The following MYLK variants were observed in gnomAD, a reference collection of about 807,000 sequenced individuals.
MYLK encodes the protein myosin light chain kinase, smooth muscle.
Under a neutral mutation model 203.4 loss-of-function variants are expected in MYLK, and 106 were observed. The observed-to-expected ratio is 0.52, with a 90% confidence interval of 0.45 to 0.61. The LOEUF is 0.61. MYLK is among the 20% of genes least tolerant of loss of function. The pLI is 0.00. For synonymous variants in MYLK, 867 were observed against 959.5 expected (o/e 0.90, Z 1.78); for missense variants, 2,072 against 2,442.3 (o/e 0.85, Z 3.20).
rs115880887 is a variant in MYLK, at chr3:123,798,280, C to T, written c.-3-4436G>A. On this transcript the variant is annotated intron_variant, in intron 3 of 33. Coordinates refer to ENST00000360304, the MANE Select transcript of MYLK (RefSeq NM_053025.4). ...ACAAAGTCAAAATCTGCTGGCTTCT[C>T]GGAGGCCCCCACATCTCAAATGAGG... Among the ~76,000 whole-genome samples, 967 of 152,190 alleles carry T rather than the reference C, an allele frequency of 6.4e-3. 12 individuals are homozygous for T. Among genetic ancestry groups the T allele is most frequent in the Non-Finnish European group, 7.2e-3 (488 of 68,008 alleles).
intron 20 of MYLK, among the ~76,000 whole-genome samples, chr3:123,668,076 C>A (rs1280116630): frequency 6.6e-6 from 1 of 152,198 alleles, no homozygotes; most frequent in Non-Finnish European, 1.5e-5. Context: ...AGTCATGCAG[C>A]ACAAACCTAT....
intron 11 of MYLK, among the ~76,000 whole-genome samples, chr3:123,727,898 G>A (rs751404225): frequency 2.0e-5 from 3 of 152,142 alleles, no homozygotes; most frequent in Non-Finnish European, 4.4e-5. Context: ...AAACAGACAG[G>A]TATTCTGTAG....
intron 24 of MYLK, among the ~76,000 whole-genome samples, chr3:123,652,520 C>T (rs2059249317): frequency 6.6e-6 from 1 of 152,148 alleles, no homozygotes; most frequent in Non-Finnish European, 1.5e-5. Flanking sequence ...TGTTGCACAC[C>T]CAGAGAACAC....
At chr3:123,880,379 G>C (rs750536340) in intron 1 of MYLK, among the ~76,000 whole-genome samples, 147 of 152,278 alleles carry the variant, frequency 9.7e-4, no homozygotes, top group Non-Finnish European at 1.4e-3. Context: ...CCAAGTTGCA[G>C]GTGTTCGGTT....
At chr3:123,813,514 CTCTTT>C (rs905121904) in intron 3 of MYLK, among the ~76,000 whole-genome samples, 6 of 150,822 alleles carry the variant, frequency 4.0e-5, no homozygotes, top group South Asian at 2.1e-4. Context: ...GTCTCTCTCT[CTCTTT>C]TTTTTTTTTG....
At chr3:123,814,091 AT>A in intron 3 of MYLK, 1 of 278,616 alleles carries the variant, frequency 3.6e-6, no homozygotes, top group South Asian at 3.9e-5. Flanking sequence ...GCTGTGTCAA[AT>A]TTGGTGCCTG....
At position 123,612,167 on chromosome 3, in the gene MYLK, C is replaced by G. The variant is rs190379193; in HGVS notation, c.*1938G>C. 2.0e-5 allele frequency: 3 copies of G among 152,778 alleles called. No homozygotes were observed. The highest frequency in any genetic ancestry group is 3.9e-4 in the East Asian group (2 of 5,190). The allele number at this position is 152,778 out of a possible 1,614,324, so 9.5% of individuals were successfully genotyped here. The stretch of plus-strand genomic sequence containing the variant: ...CAAGAACTTCCTAAATCATTCTGTT[C>G]CATAGCAAAACACAACCACATAAGC... On this transcript the variant is annotated 3_prime_UTR_variant, in exon 34 of 34. Coordinates refer to ENST00000360304, the MANE Select transcript of MYLK (RefSeq NM_053025.4).
rs56162191 is a variant in MYLK at position 123,629,358 on chromosome 3, G to A, written c.5114+116C>T. On this transcript the variant is annotated intron_variant, in intron 30 of 33. Transcript: ENST00000360304. The surrounding 1 kb of genome is among the most constrained non-coding windows in gnomAD (Gnocchi z 4.4). ...CCCTCCCTTCCTCAGGGAATGCTAG[G>A]AACGACCCAAGGCGGGGTGGCAAGG... 2.3e-6 allele frequency: 3 copies of A among 1,311,532 alleles called. No homozygotes were observed. Among genetic ancestry groups the A allele is most frequent in the African/African-American group, 2.9e-5 (2 of 68,922 alleles). 81.2% of individuals were successfully genotyped at this position (1,311,532 alleles called of 1,614,324 possible).
chr3:123,747,466 A>C (rs1360946882), intron 5 of MYLK, among the ~76,000 whole-genome samples: 1 of 152,192 alleles, frequency 6.6e-6, no homozygotes, highest in Non-Finnish European at 1.5e-5. Flanking sequence ...GCTCCAGCCC[A>C]GTCAGTGTTT....
chr3:123,865,866 AG>A (rs1189658839), intron 2 of MYLK, among the ~76,000 whole-genome samples: 2 of 152,210 alleles, frequency 1.3e-5, no homozygotes, highest in Non-Finnish European at 2.9e-5. Context: ...ATAAAAGACC[AG>A]GGAGTCTTCA....
chr3:123,677,824 T>C (rs950600479), intron 20 of MYLK, among the ~76,000 whole-genome samples: 10 of 147,466 alleles, frequency 6.8e-5, no homozygotes, highest in African/African-American at 2.5e-4. Context: ...AAGGGCATGA[T>C]ATCTCCAATT....
chr3:123,633,506 G>T (rs1256348280), intron 29 of MYLK, among the ~76,000 whole-genome samples: 2 of 152,110 alleles, frequency 1.3e-5, no homozygotes, highest in Non-Finnish European at 2.9e-5. Context: ...TATCTCCCTG[G>T]TCTTATCTAG....
chr3:123,769,685 G>T (rs2063814352), intron 4 of MYLK, among the ~76,000 whole-genome samples: 1 of 152,144 alleles, frequency 6.6e-6, no homozygotes, highest in Non-Finnish European at 1.5e-5. Context: ...TCATCTGTGT[G>T]CACAGTCACT....
At chr3:123,765,905 G>T (rs764524580) in intron 4 of MYLK, among the ~76,000 whole-genome samples, 8 of 152,204 alleles carry the variant, frequency 5.3e-5, no homozygotes, top group African/African-American at 1.9e-4. Flanking sequence ...GTGGTTGCCA[G>T]GGGCTAGAGG....
intron 4 of MYLK, among the ~76,000 whole-genome samples, chr3:123,788,943 CT>C (rs146552211): frequency 5.3e-5 from 8 of 151,340 alleles, no homozygotes; most frequent in Admixed American, 2.0e-4. Flanking sequence ...ACCATGTTTG[CT>C]TTTTTTTTCT....
intron 4 of MYLK, among the ~76,000 whole-genome samples, chr3:123,780,591 C>T (rs750198133): frequency 6.6e-6 from 1 of 152,190 alleles, no homozygotes; most frequent in Non-Finnish European, 1.5e-5. Flanking sequence ...AAGACCCAAG[C>T]ACATGATACC....
At chr3:123,658,152 T>A (rs533046025) in intron 23 of MYLK, among the ~76,000 whole-genome samples, 1 of 152,380 alleles carries the variant, frequency 6.6e-6, no homozygotes, top group East Asian at 1.9e-4. Context: ...TAACTTTATA[T>A]ACTTAAAAAT....
rs576496036 is a variant in MYLK, at chr3:123,642,254, C to T, written c.4620-1750G>A. On this transcript the variant is annotated intron_variant, in intron 27 of 33. Transcript: ENST00000360304. This position sits in a 1 kb window ranked among gnomAD's most constrained non-coding sequence, Gnocchi z 4.2. ...GTGTGACATTGGGCAAGTTGCTTAACCTTTCTGAGTCCCAGTTTCCTTATC... is the reference window on the plus strand; with the variant it reads ...GTGTGACATTGGGCAAGTTGCTTAATCTTTCTGAGTCCCAGTTTCCTTATC... Among the ~76,000 whole-genome samples the T allele has an allele frequency of 6.6e-6, 1 of 152,304 alleles. No individual in the cohort carries two copies. The highest frequency in any genetic ancestry group is 2.1e-4 in the South Asian group (1 of 4,826).
intron 3 of MYLK, among the ~76,000 whole-genome samples, chr3:123,816,815 T>C (rs1211599947): frequency 6.6e-6 from 1 of 152,166 alleles, no homozygotes; most frequent in Non-Finnish European, 1.5e-5. Flanking sequence ...TCGGGGACTT[T>C]CCTGAAGTAT....
Sources: gnomAD v4.1 joint callset for allele counts (sites outside exome capture counted in the v4.1 genomes callset) on GRCh38, gnomAD v4.1.1 for gene constraint, Gnocchi (gnomAD v3.1) non-coding constraint, MANE v1.5 for transcripts, NCBI Gene and HGNC (gene_info 2026-07-23, HGNC 2026-07-21) for gene names.